FRS2: variants seen among roughly 807,000 people sequenced by gnomAD.
The protein encoded by FRS2 is FGFR signalling adaptor.
In FRS2, 8 loss-of-function variants were observed where a neutral mutation model predicts 43.9. The observed-to-expected ratio is 0.18, with a 90% CI of 0.11 to 0.33. The LOEUF is 0.33. FRS2 is among the 10% of genes least tolerant of loss of function. The pLI is 1.00. For missense variants in FRS2, 534 were observed against 627.6 expected (o/e 0.85, Z 1.59); for synonymous variants, 219 against 220.3 (o/e 0.99, Z 0.05).
chr12:69,551,185 T>A (rs1372903252), intron 3 of FRS2, among the ~76,000 whole-genome samples: 2 of 152,188 alleles, frequency 1.3e-5, no homozygotes, highest in African/African-American at 4.8e-5. Context: ...ACCTTGTCTC[T>A]ACAAAACATT....
intron 1 of FRS2, among the ~76,000 whole-genome samples, chr12:69,518,996 CAAAAAAA>C (rs35495239): frequency 1.0e-5 from 1 of 98,564 alleles, no homozygotes; most frequent in Non-Finnish European, 2.0e-5. Flanking sequence ...AACTCCGTCT[CAAAAAAA>C]AAAAAAAAAA....
At chr12:69,524,227 TG>T (rs1010422989) in intron 1 of FRS2, among the ~76,000 whole-genome samples, 85 of 150,076 alleles carry the variant, frequency 5.7e-4, no homozygotes, top group African/African-American at 2.0e-3. Context: ...GGTGGTATGG[TG>T]GGGGATAGGG....
intron 1 of FRS2, among the ~76,000 whole-genome samples, chr12:69,478,673 C>T (rs1461447273): frequency 6.6e-6 from 1 of 150,482 alleles, no homozygotes; most frequent in Non-Finnish European, 1.5e-5. Flanking sequence ...TTTTTTTCTT[C>T]TATATTGATT....
intron 1 of FRS2, among the ~76,000 whole-genome samples, chr12:69,509,293 G>C (rs1204278706): frequency 6.6e-6 from 1 of 152,108 alleles, no homozygotes; most frequent in Non-Finnish European, 1.5e-5. Flanking sequence ...GGAGAAGATT[G>C]GTTTTCAGGG....
intron 1 of FRS2, among the ~76,000 whole-genome samples, chr12:69,480,956 G>A (rs950869947): frequency 2.0e-5 from 3 of 152,140 alleles, no homozygotes; most frequent in African/African-American, 7.2e-5. Context: ...GTGATTTTTA[G>A]TAGTACTTAA....
chr12:69,531,711 A>T (rs559251410), intron 2 of FRS2, among the ~76,000 whole-genome samples: 38 of 152,314 alleles, frequency 2.5e-4, no homozygotes, highest in Admixed American at 9.1e-4. Flanking sequence ...TAGAAAGAGT[A>T]TAAAATCTAT....
chr12:69,471,192 T>C (rs1870252561), intron 1 of FRS2, among the ~76,000 whole-genome samples: 1 of 151,970 alleles, frequency 6.6e-6, no homozygotes. Context: ...TGAAGTAAAC[T>C]TAAAGAAAAA....
chr12:69,528,790 G>A (rs974703200), intron 1 of FRS2, among the ~76,000 whole-genome samples: 2 of 152,160 alleles, frequency 1.3e-5, no homozygotes, highest in African/African-American at 4.8e-5. Context: ...AGGACACTAG[G>A]GCAGATTTCT....
At chr12:69,563,148 G>A (rs1349423918) in intron 4 of FRS2, among the ~76,000 whole-genome samples, 1 of 152,146 alleles carries the variant, frequency 6.6e-6, no homozygotes, top group African/African-American at 2.4e-5. Flanking sequence ...CAATATTAAT[G>A]CATATTATTA....
chr12:69,540,566 ATAAAT>A (rs1191898844), intron 3 of FRS2, among the ~76,000 whole-genome samples: 9 of 152,234 alleles, frequency 5.9e-5, no homozygotes, highest in Non-Finnish European at 8.8e-5. Flanking sequence ...AAATGATTGA[ATAAAT>A]AAGTAAATGG....
chr12:69,552,933 TTTA>T (rs998852727), intron 3 of FRS2, among the ~76,000 whole-genome samples: 1 of 151,880 alleles, frequency 6.6e-6, no homozygotes, highest in Non-Finnish European at 1.5e-5. Context: ...CATATAAATG[TTTA>T]TTAAGTGGTG....
Position 69,476,660 on chromosome 12 carries a change from A to G in FRS2, c.-261+6130A>G, listed in dbSNP as rs148393307. Among the ~76,000 whole-genome samples, 946 of 151,574 alleles carry G rather than the reference A, an allele frequency of 6.2e-3. 12 individuals carry two copies. Among genetic ancestry groups the G allele is most frequent in the African/African-American group, 0.022 (894 of 41,288 alleles). ...CTGGGGACACAAACCAATTATGAAC[A>G]TAAGTGCTTATTGAAATTGCATCAG... On this transcript the variant is annotated intron_variant, in intron 1 of 8. Coordinates refer to ENST00000549921, the MANE Select transcript of FRS2 (RefSeq NM_001278356.2).
At chr12:69,471,307 CTTT>C (rs1280334629) in intron 1 of FRS2, among the ~76,000 whole-genome samples, 33 of 150,496 alleles carry the variant, frequency 2.2e-4, no homozygotes, top group Non-Finnish European at 5.9e-5. Context: ...ACTCTTAATT[CTTT>C]TGGCTATCTG....
intron 4 of FRS2, among the ~76,000 whole-genome samples, chr12:69,568,358 C>T (rs1880466018): frequency 6.6e-6 from 1 of 152,106 alleles, no homozygotes; most frequent in South Asian, 2.1e-4. Context: ...GTCAAAATAC[C>T]TGCCAAGCCA....
intron 1 of FRS2, among the ~76,000 whole-genome samples, chr12:69,506,903 A>C (rs1283304819): frequency 6.6e-6 from 1 of 151,778 alleles, no homozygotes; most frequent in Non-Finnish European, 1.5e-5. Flanking sequence ...TTCATGGATT[A>C]ATGGATTAAT....
intron 2 of FRS2, among the ~76,000 whole-genome samples, chr12:69,531,581 G>A (rs554595642): frequency 2.6e-5 from 4 of 151,882 alleles, no homozygotes; most frequent in South Asian, 2.1e-4. Context: ...GGAATTAGAT[G>A]ATGTGGTCAT....
chr12:69,524,530 G>A (rs570959686), intron 1 of FRS2, among the ~76,000 whole-genome samples: 10 of 152,030 alleles, frequency 6.6e-5, no homozygotes, highest in African/African-American at 2.4e-4. Flanking sequence ...GGGCTGCACT[G>A]CATGCAGGTG....
chr12:69,508,337 G>A (rs1874148802), intron 1 of FRS2, among the ~76,000 whole-genome samples: 1 of 152,102 alleles, frequency 6.6e-6, no homozygotes, highest in Non-Finnish European at 1.5e-5. Flanking sequence ...AGAAAATACG[G>A]CATTTAAGGA....
At chr12:69,549,363 T>C (rs570078352) in intron 3 of FRS2, among the ~76,000 whole-genome samples, 2 of 152,354 alleles carry the variant, frequency 1.3e-5, no homozygotes, top group Admixed American at 1.3e-4. Flanking sequence ...AAAAGCTGTT[T>C]TGTTGTGTCT....
Sources: allele counts gnomAD v4.1 joint callset (sites outside exome capture counted in the v4.1 genomes callset), GRCh38; gene constraint gnomAD v4.1.1; transcripts MANE v1.5; gene names NCBI Gene and HGNC (gene_info 2026-07-23, HGNC 2026-07-21).